DYM: variants seen among roughly 807,000 people sequenced by gnomAD.
The protein encoded by DYM is dyggve-Melchior-Clausen syndrome protein.
In DYM, 78 loss-of-function variants were observed where a neutral mutation model predicts 93.1. The ratio of observed to expected loss-of-function variants is 0.84; its 90% CI spans 0.70 to 1.01. The LOEUF (loss-of-function observed/expected upper bound fraction) is 1.01, where lower values mean the gene tolerates loss of function less well. Among genes scored for constraint, DYM ranks in the 50% least tolerant of loss-of-function variants. DYM has a pLI of 0.00. For missense variants in DYM, 789 were observed against 845.0 expected, an observed-to-expected ratio of 0.93 and a Z score of 0.82; for synonymous variants, 321 against 319.7, an observed-to-expected ratio of 1.00 and a Z score of -0.04.
intron 15 of DYM, among the ~76,000 whole-genome samples, chr18:49,119,489 C>T (rs1599882148): frequency 6.6e-6 from 1 of 152,304 alleles, no homozygotes; most frequent in East Asian, 1.9e-4. Flanking sequence ...CAGCAAACCT[C>T]TTGGAAGAAA....
In DYM at chr18:49,426,548, A is replaced by C. The variant is rs371726113; in HGVS notation, c.140+3707T>G. Reference sequence around the variant, plus strand: ...TACCCTAGAACTTAAAGTATAATAAAAAATAATAATAAAAAAATTAAAATT... The same window carrying C: ...TACCCTAGAACTTAAAGTATAATAACAAATAATAATAAAAAAATTAAAATT... On this transcript the variant is annotated intron_variant, in intron 2 of 17. Coordinates refer to ENST00000675505, the MANE Select transcript of DYM (RefSeq NM_001353214.3). Among the ~76,000 whole-genome samples the C allele has an allele frequency of 4.4e-4, 67 of 152,208 alleles. 1 individual carries two copies. The South Asian group carries it at 0.013, about 31-fold the overall frequency.
At chr18:49,384,284 T>C (rs1480409065) in intron 3 of DYM, among the ~76,000 whole-genome samples, 1 of 132,130 alleles carries the variant, frequency 7.6e-6, no homozygotes, top group Non-Finnish European at 1.5e-5. Context: ...ATCACACCAC[T>C]GCACTCCAGC....
intron 17 of DYM, among the ~76,000 whole-genome samples, chr18:49,094,430 A>AATAAGTG (rs1327801436): frequency 2.6e-5 from 4 of 152,202 alleles, no homozygotes; most frequent in Non-Finnish European, 5.9e-5. Flanking sequence ...CTAAAGGAGA[A>AATAAGTG]ATAAGTGACT....
intron 1 of DYM, among the ~76,000 whole-genome samples, chr18:49,456,112 C>T (rs2082961492): frequency 6.6e-6 from 1 of 152,122 alleles, no homozygotes; most frequent in African/African-American, 2.4e-5. Flanking sequence ...CTCCATCCTG[C>T]TGTTAGGAAC....
chr18:49,211,928 A>G (rs556210055), intron 13 of DYM, among the ~76,000 whole-genome samples: 2 of 152,238 alleles, frequency 1.3e-5, no homozygotes, highest in African/African-American at 4.8e-5. Context: ...CAAAAACTTA[A>G]AATACAAGAA....
intron 16 of DYM, among the ~76,000 whole-genome samples, chr18:49,107,234 C>T (rs1275575691): frequency 6.6e-6 from 1 of 152,194 alleles, no homozygotes; most frequent in East Asian, 1.9e-4. Context: ...ACGTAGTTCT[C>T]GTTCCTTGGT....
At chr18:49,189,525 G>A (rs2090769197) in intron 14 of DYM, among the ~76,000 whole-genome samples, 1 of 151,940 alleles carries the variant, frequency 6.6e-6, no homozygotes, top group Non-Finnish European at 1.5e-5. Flanking sequence ...AATGACCCAA[G>A]CCCAGAAATG....
intron 2 of DYM, among the ~76,000 whole-genome samples, chr18:49,409,799 A>G (rs908629155): frequency 4.6e-5 from 7 of 152,170 alleles, no homozygotes; most frequent in South Asian, 2.1e-4. Context: ...GGTATTTACA[A>G]TATGTTGGTC....
At chr18:49,378,111 T>C (rs1026755412) in intron 5 of DYM, among the ~76,000 whole-genome samples, 2 of 152,186 alleles carry the variant, frequency 1.3e-5, no homozygotes, top group Non-Finnish European at 2.9e-5. Flanking sequence ...TGATAAAGTG[T>C]CGTAGTCCCA....
At chr18:49,077,311 T>C (rs2077386509) in intron 17 of DYM, among the ~76,000 whole-genome samples, 1 of 152,258 alleles carries the variant, frequency 6.6e-6, no homozygotes, top group South Asian at 2.1e-4. Flanking sequence ...CTGCTTTCTC[T>C]CTCAGTTTTG....
At chr18:49,214,780 G>T (rs56798666) in intron 13 of DYM, among the ~76,000 whole-genome samples, 34 of 152,152 alleles carry the variant, frequency 2.2e-4, no homozygotes, top group African/African-American at 7.7e-4. Flanking sequence ...AAAATATTTC[G>T]CATTTCCACT....
chr18:49,375,443 C>T (rs1490826223), intron 5 of DYM, among the ~76,000 whole-genome samples: 1 of 151,822 alleles, frequency 6.6e-6, no homozygotes, highest in African/African-American at 2.4e-5. Flanking sequence ...TATCCCCTTC[C>T]CCCTATCCCC....
intron 1 of DYM, among the ~76,000 whole-genome samples, chr18:49,433,415 T>C (rs944281354): frequency 1.3e-5 from 2 of 152,236 alleles, no homozygotes; most frequent in African/African-American, 4.8e-5. Flanking sequence ...ATATAAATAC[T>C]AAATATTTAA....
At chr18:49,340,682 T>C (rs1429049500) in intron 6 of DYM, among the ~76,000 whole-genome samples, 3 of 152,166 alleles carry the variant, frequency 2.0e-5, no homozygotes, top group African/African-American at 7.2e-5. Context: ...GGGAACATAC[T>C]GATGTGAGAA....
At chr18:49,319,363 G>A (rs1453043132) in intron 8 of DYM, among the ~76,000 whole-genome samples, 4 of 152,094 alleles carry the variant, frequency 2.6e-5, no homozygotes, top group Non-Finnish European at 5.9e-5. Context: ...GTGCTACTGG[G>A]GTTAATCTGC....
intron 15 of DYM, among the ~76,000 whole-genome samples, chr18:49,127,130 C>T (rs993053833): frequency 1.3e-5 from 2 of 152,206 alleles, no homozygotes; most frequent in Non-Finnish European, 2.9e-5. Flanking sequence ...GTATTTTCCT[C>T]TTAGTCCTTA....
intron 11 of DYM, among the ~76,000 whole-genome samples, chr18:49,262,985 C>T (rs1414042454): frequency 6.6e-6 from 1 of 152,188 alleles, no homozygotes; most frequent in Admixed American, 6.5e-5. Context: ...CCTGACTCTC[C>T]ATATTCTTAC....
At chr18:49,365,430 A>T (rs180850317) in intron 5 of DYM, among the ~76,000 whole-genome samples, 1 of 152,306 alleles carries the variant, frequency 6.6e-6, no homozygotes, top group East Asian at 1.9e-4. Flanking sequence ...AAAAAAAAAT[A>T]AAAGAGTAAG....
chr18:49,093,652 C>T (rs2079280787), intron 17 of DYM, among the ~76,000 whole-genome samples: 1 of 152,138 alleles, frequency 6.6e-6, no homozygotes. Context: ...GGTAGAGATA[C>T]ACGAGGAGTG....
Sources: allele counts gnomAD v4.1 joint callset (sites outside exome capture counted in the v4.1 genomes callset), GRCh38; gene constraint gnomAD v4.1.1; transcripts MANE v1.5; gene names NCBI Gene and HGNC (gene_info 2026-07-23, HGNC 2026-07-21).